Variants in MTDH observed in about 807,000 individuals in gnomAD.
MTDH encodes protein LYRIC.
In MTDH, 34 loss-of-function variants were observed where a neutral mutation model predicts 72.7. The observed-to-expected ratio is 0.47, with a 90% CI of 0.36 to 0.62. The LOEUF is 0.62. Ranked by LOEUF, MTDH falls within the 20% of genes least tolerant of loss-of-function variation. The pLI is 0.00. For missense variants in MTDH, 677 were observed against 699.4 expected (o/e 0.97, Z 0.36); for synonymous variants, 266 against 268.9 (o/e 0.99, Z 0.10).
intron 6 of MTDH, among the ~76,000 whole-genome samples, chr8:97,694,083 T>A (rs1255201251): frequency 1.3e-5 from 2 of 152,200 alleles, no homozygotes; most frequent in African/African-American, 4.8e-5. Context: ...CTCTTGTGCT[T>A]ATGGCAGATA....
At chr8:97,693,347 G>C (rs903411119) in intron 6 of MTDH, among the ~76,000 whole-genome samples, 1 of 151,736 alleles carries the variant, frequency 6.6e-6, no homozygotes, top group African/African-American at 2.4e-5. Context: ...TTGCTTGTTT[G>C]TTTGTTTGAG....
intron 1 of MTDH, among the ~76,000 whole-genome samples, chr8:97,657,907 A>G (rs1333434534): frequency 6.6e-6 from 1 of 152,180 alleles, no homozygotes; most frequent in African/African-American, 2.4e-5. Flanking sequence ...ATGTAAGTAG[A>G]TCTATATAAT....
intron 6 of MTDH, among the ~76,000 whole-genome samples, chr8:97,694,658 A>ATGTCTG (rs1174918599): frequency 3.3e-5 from 5 of 152,090 alleles, no homozygotes; most frequent in African/African-American, 9.7e-5. Flanking sequence ...ATGGTGGCTC[A>ATGTCTG]TGTCTGTAAT....
rs535754457 is a variant in MTDH, at chr8:97,718,737, C to G, written c.1381-312C>G. 5.9e-5 allele frequency among the ~76,000 whole-genome samples: 9 copies of G among 151,276 alleles called. No homozygotes were observed. The East Asian group carries it at 1.2e-3, about 20-fold the overall frequency. Reference sequence around the variant, plus strand: ...TTTTTTTTTCTTTGAGACAGAATCACCCAGCCTGGAGTACAGTGGTGTGAT... The same window carrying G: ...TTTTTTTTTCTTTGAGACAGAATCAGCCAGCCTGGAGTACAGTGGTGTGAT... On this transcript the variant is annotated intron_variant, in intron 9 of 11. Coordinates refer to ENST00000336273, the MANE Select transcript of MTDH (RefSeq NM_178812.4).
intron 6 of MTDH, among the ~76,000 whole-genome samples, chr8:97,693,980 G>A (rs545387461): frequency 6.6e-6 from 1 of 151,942 alleles, no homozygotes; most frequent in East Asian, 1.9e-4. Context: ...TTCTCACAGT[G>A]CTGGGATTAC....
In MTDH at chr8:97,690,971, A is replaced by G. The variant is rs534759902; in HGVS notation, c.831A>G (p.Glu277=). 3.8e-5 allele frequency: 61 copies of G among 1,611,890 alleles called. 1 individual carries two copies. In the South Asian group the frequency reaches 5.8e-4, roughly 15 times the overall value. The part of the protein sequence containing the change: ...STLQVSSGLN[E]NLTVNGGGWN... ...TTTAAGTTTCTTCAGGATTGAATGA[A>G]AACCTCACTGTCAATGGAGGAGGCT... is the stretch of plus-strand genomic sequence containing the variant. The change falls in exon 6 of 12, where the codon GAA becomes GAG. Residue 277 remains glutamate (E), a synonymous_variant. Transcript: ENST00000336273.
chr8:97,668,233 G>T (rs1162360693), intron 2 of MTDH, among the ~76,000 whole-genome samples: 1 of 152,058 alleles, frequency 6.6e-6, no homozygotes, highest in East Asian at 1.9e-4. Context: ...CTTGCAGTGA[G>T]CCCAAATCGC....
chr8:97,659,718 A>G (rs1812108859), intron 1 of MTDH, among the ~76,000 whole-genome samples: 1 of 152,224 alleles, frequency 6.6e-6, no homozygotes, highest in Non-Finnish European at 1.5e-5. Flanking sequence ...AAACTAGTAT[A>G]TTGACTTACT....
intron 10 of MTDH, among the ~76,000 whole-genome samples, chr8:97,720,004 G>A (rs545310203): frequency 6.9e-6 from 1 of 144,578 alleles, no homozygotes; most frequent in South Asian, 2.3e-4. Context: ...TATAAATTCA[G>A]GGCTGGGTGT....
chr8:97,701,076 A>C (rs1024253402), intron 7 of MTDH, among the ~76,000 whole-genome samples: 1 of 152,172 alleles, frequency 6.6e-6, no homozygotes, highest in Admixed American at 6.5e-5. Context: ...GTAGTACCTC[A>C]TATGGTTAGG....
intron 2 of MTDH, among the ~76,000 whole-genome samples, chr8:97,674,282 A>AGT (rs1812755820): frequency 6.6e-6 from 1 of 152,250 alleles, no homozygotes; most frequent in African/African-American, 2.4e-5. Flanking sequence ...AATAGTACCA[A>AGT]GTGGAATAAC....
rs371458267 is a variant in MTDH at position 97,713,638 on chromosome 8, T to C, written c.1273-24T>C. ...GGACACATAACCATTTGGTTCTCTT[T>C]AATATTTTTGCTTTTAACCTAAGGT... On this transcript the variant is annotated intron_variant, in intron 8 of 11. Transcript: ENST00000336273. 54 of 1,388,722 alleles carry C rather than the reference T, an allele frequency of 3.9e-5. No homozygotes were observed. In the African/African-American group the frequency reaches 7.0e-4, roughly 18 times the overall value. 86.0% of individuals were successfully genotyped at this position (1,388,722 alleles called of 1,614,324 possible).
intron 2 of MTDH, among the ~76,000 whole-genome samples, chr8:97,685,761 GA>G (rs1178320724): frequency 9.5e-4 from 117 of 122,746 alleles, no homozygotes; most frequent in South Asian, 1.0e-3. Context: ...CTCCATCTCA[GA>G]AAAAAAAAAA....
intron 1 of MTDH, among the ~76,000 whole-genome samples, chr8:97,649,399 C>A (rs1172449694): frequency 9.9e-5 from 15 of 152,140 alleles, no homozygotes; most frequent in African/African-American, 3.6e-4. Flanking sequence ...TGAAGCCCAA[C>A]CCTGATCATG....
chr8:97,666,740 C>T (rs1423641468), intron 2 of MTDH, among the ~76,000 whole-genome samples: 1 of 152,176 alleles, frequency 6.6e-6, no homozygotes, highest in African/African-American at 2.4e-5. Context: ...CTCTGTCGCC[C>T]AGGGTGGAGT....
chr8:97,657,034 C>T (rs920155475), intron 1 of MTDH, among the ~76,000 whole-genome samples: 6 of 151,742 alleles, frequency 4.0e-5, no homozygotes, highest in African/African-American at 1.5e-4. Flanking sequence ...TGAAGATTGA[C>T]TAGTCTGCTA....
intron 2 of MTDH, among the ~76,000 whole-genome samples, chr8:97,677,358 G>A (rs1812895546): frequency 1.3e-5 from 2 of 151,658 alleles, no homozygotes; most frequent in Non-Finnish European, 2.9e-5. Context: ...GGGCATGGTG[G>A]CAGGTGCCTG....
intron 2 of MTDH, among the ~76,000 whole-genome samples, chr8:97,674,871 C>T (rs1408085262): frequency 6.6e-6 from 1 of 151,966 alleles, no homozygotes; most frequent in East Asian, 1.9e-4. Flanking sequence ...ACTGCAGTGG[C>T]ATGACCAAGG....
chr8:97,682,249 TATATATATATATA>T (rs1813137323), intron 2 of MTDH, among the ~76,000 whole-genome samples: 4 of 5,938 alleles, frequency 6.7e-4, no homozygotes, highest in East Asian at 4.2e-3. Context: ...TATATATATA[TATATATATATATA>T]TATATATATA....
Sources: allele counts gnomAD v4.1 joint callset (sites outside exome capture counted in the v4.1 genomes callset), GRCh38; gene constraint gnomAD v4.1.1; transcripts MANE v1.5; gene names NCBI Gene and HGNC (gene_info 2026-07-23, HGNC 2026-07-21).